MYT1L: variants seen among roughly 807,000 people sequenced by gnomAD.
The protein encoded by MYT1L is myelin transcription factor 1 like, also known as myelin transcription factor 1-like protein.
In MYT1L, 12 loss-of-function variants were observed where a neutral mutation model predicts 126.7. The ratio of observed to expected loss-of-function variants is 0.09; its 90% CI spans 0.06 to 0.15. The LOEUF is 0.15. Ranked by LOEUF, MYT1L falls within the 10% of genes least tolerant of loss-of-function variation. The pLI, the probability that MYT1L is intolerant of heterozygous loss-of-function variation, is 1.00. For missense variants in MYT1L, 979 were observed against 1,585.2 expected, an observed-to-expected ratio of 0.62 and a Z score of 6.49; for synonymous variants, 541 against 604.2, an observed-to-expected ratio of 0.90 and a Z score of 1.53.
intron 21 of MYT1L, among the ~76,000 whole-genome samples, chr2:1,821,322 C>G (rs2038493338): frequency 6.6e-6 from 1 of 151,818 alleles, no homozygotes; most frequent in Non-Finnish European, 1.5e-5. Flanking sequence ...TTTTTTTTAA[C>G]AAAATCTTTT....
chr2:2,176,695 C>T (rs2090835178), intron 2 of MYT1L, among the ~76,000 whole-genome samples: 1 of 152,026 alleles, frequency 6.6e-6, no homozygotes. Context: ...GACGGGGTTT[C>T]ACCATGTTGG....
chr2:1,923,976 G>A (rs578258656), intron 9 of MYT1L, among the ~76,000 whole-genome samples: 1 of 152,184 alleles, frequency 6.6e-6, no homozygotes, highest in East Asian at 1.9e-4. Context: ...GTTTGAAAGT[G>A]AGAGAGAGAG....
At chr2:2,280,969 G>A (rs749617511) in intron 2 of MYT1L, among the ~76,000 whole-genome samples, 1 of 152,166 alleles carries the variant, frequency 6.6e-6, no homozygotes, top group East Asian at 1.9e-4. Context: ...TTTGATGAGG[G>A]TTTGTTTTAT....
At chr2:1,795,180 C>T (rs1572283567) in intron 23 of MYT1L, among the ~76,000 whole-genome samples, 1 of 152,240 alleles carries the variant, frequency 6.6e-6, no homozygotes, top group Non-Finnish European at 1.5e-5. Context: ...ACTATCCTAG[C>T]CAGACAAACT....
chr2:2,120,601 A>G (rs987790818), intron 3 of MYT1L, among the ~76,000 whole-genome samples: 1 of 152,018 alleles, frequency 6.6e-6, no homozygotes, highest in Admixed American at 6.6e-5. Flanking sequence ...TGAGGGATGG[A>G]TGTGAAGCTA....
At chr2:2,004,130 C>T (rs1574415599) in intron 4 of MYT1L, among the ~76,000 whole-genome samples, 1 of 150,092 alleles carries the variant, frequency 6.7e-6, no homozygotes, top group African/African-American at 2.5e-5. Context: ...TTCCTGTGTG[C>T]CTTCTTTCCT....
intron 14 of MYT1L, among the ~76,000 whole-genome samples, chr2:1,902,463 C>T (rs1025072331): frequency 2.6e-5 from 4 of 152,182 alleles, no homozygotes; most frequent in African/African-American, 7.2e-5. Context: ...TGTGAAGAGG[C>T]GACAAGGAGG....
At chr2:2,136,071 G>A (rs150516434) in intron 3 of MYT1L, among the ~76,000 whole-genome samples, 4,346 of 152,282 alleles carry the variant, frequency 0.029, 109 homozygotes, top group Non-Finnish European at 0.044. Context: ...CATGTCCTTT[G>A]CAAGGACATG....
intron 4 of MYT1L, among the ~76,000 whole-genome samples, chr2:2,005,962 TC>T (rs2063273485): frequency 6.6e-6 from 1 of 151,324 alleles, no homozygotes; most frequent in South Asian, 2.1e-4. Context: ...CTGAATGCGT[TC>T]TTTCCTGCAG....
chr2:2,310,765 C>A, intron 1 of MYT1L, among the ~76,000 whole-genome samples: 1 of 152,122 alleles, frequency 6.6e-6, no homozygotes. Flanking sequence ...TTTGTCTTTC[C>A]TTCCCTGTTG....
chr2:2,029,428 T>G (rs562898148), intron 4 of MYT1L, among the ~76,000 whole-genome samples: 7 of 152,308 alleles, frequency 4.6e-5, no homozygotes, highest in Admixed American at 4.6e-4. Flanking sequence ...AGAGAGCTTG[T>G]GCAGGGGAAC....
In MYT1L at chr2:2,124,588, GCCTGGC is replaced by G. The variant is rs532424876; in HGVS notation, c.-304+48278_-304+48283del. ...TGGGATTACAGGTGTGAGCCACCCT[GCCTGGC>G]CCAGTTATTCTTTATATTTGCATAT... On this transcript the variant is annotated intron_variant, in intron 3 of 24. Coordinates refer to ENST00000647738, the MANE Select transcript of MYT1L (RefSeq NM_001303052.2). Among the ~76,000 whole-genome samples, 177 of 152,312 alleles carry G rather than the reference GCCTGGC, an allele frequency of 1.2e-3. 1 individual carries two copies. Among genetic ancestry groups the G allele is most frequent in the African/African-American group, 4.0e-3 (165 of 41,552 alleles).
intron 18 of MYT1L, among the ~76,000 whole-genome samples, chr2:1,864,125 C>T (rs1026527968): frequency 6.6e-6 from 1 of 152,216 alleles, no homozygotes; most frequent in Non-Finnish European, 1.5e-5. Flanking sequence ...CCGGGCTGTG[C>T]CTTCCCTCTG....
intron 3 of MYT1L, among the ~76,000 whole-genome samples, chr2:2,168,072 A>G (rs959128248): frequency 6.6e-5 from 10 of 152,216 alleles, no homozygotes; most frequent in African/African-American, 2.4e-4. Flanking sequence ...CCTACAAACA[A>G]CCACAAATGA....
At chr2:1,981,061 G>C (rs2060573772) in intron 5 of MYT1L, among the ~76,000 whole-genome samples, 1 of 152,100 alleles carries the variant, frequency 6.6e-6, no homozygotes, top group African/African-American at 2.4e-5. Context: ...CTCCAGAAAA[G>C]AACAGGGTAG....
rs2059355858 is a variant in MYT1L, at chr2:1,966,361, C to G, written c.152+12804G>C. Among the ~76,000 whole-genome samples the G allele has an allele frequency of 2.0e-5, 3 of 152,174 alleles. No individual in the cohort carries two copies. The South Asian group carries it at 6.2e-4, about 31-fold the overall frequency. Reference sequence around the variant, plus strand: ...CGATCGTTTTAAAAACAAGACAATTCCGGTTTTGAATAAGAAGGAAGCAAT... The same window carrying G: ...CGATCGTTTTAAAAACAAGACAATTGCGGTTTTGAATAAGAAGGAAGCAAT... On this transcript the variant is annotated intron_variant, in intron 8 of 24. Coordinates refer to ENST00000647738, the MANE Select transcript of MYT1L (RefSeq NM_001303052.2).
At chr2:1,931,802 T>C (rs2055034122) in intron 9 of MYT1L, among the ~76,000 whole-genome samples, 1 of 151,624 alleles carries the variant, frequency 6.6e-6, no homozygotes, top group South Asian at 2.1e-4. Context: ...GGCTGCTGTC[T>C]TTTGCTTTCT....
rs190843344 is a variant in MYT1L at position 2,075,228 on chromosome 2, A to G, written c.-303-21105T>C. Among the ~76,000 whole-genome samples, 232 of 152,318 alleles carry G rather than the reference A, an allele frequency of 1.5e-3. 2 individuals are homozygous for G. Among genetic ancestry groups the G allele is most frequent in the African/African-American group, 5.4e-3 (226 of 41,580 alleles). On this transcript the variant is annotated intron_variant, in intron 3 of 24. Coordinates refer to ENST00000647738, the MANE Select transcript of MYT1L (RefSeq NM_001303052.2). Reference sequence around the variant, plus strand: ...GTGATCGGCCTTTTTGGGGCAGAGGAAATATAAAGAAAGGATTATTTTTCC... The same window carrying G: ...GTGATCGGCCTTTTTGGGGCAGAGGGAATATAAAGAAAGGATTATTTTTCC...
chr2:2,098,635 G>C (rs1000558519), intron 3 of MYT1L, among the ~76,000 whole-genome samples: 6 of 152,180 alleles, frequency 3.9e-5, no homozygotes, highest in African/African-American at 1.4e-4. Flanking sequence ...CACAGGGCAG[G>C]GGGCAGCTCC....
Sources: allele counts gnomAD v4.1 joint callset (sites outside exome capture counted in the v4.1 genomes callset), GRCh38; gene constraint gnomAD v4.1.1; transcripts MANE v1.5; gene names NCBI Gene and HGNC (gene_info 2026-07-23, HGNC 2026-07-21).